The following PDLIM7 variants were observed in gnomAD, a reference collection of about 807,000 sequenced individuals.
PDLIM7 encodes PDZ and LIM domain protein 7.
A neutral mutation model predicts 53.9 loss-of-function variants in PDLIM7; 37 were observed. The observed-to-expected ratio is 0.69, with a 90% CI of 0.53 to 0.90. The LOEUF (loss-of-function observed/expected upper bound fraction) is 0.90. Among genes scored for constraint, PDLIM7 ranks in the 40% least tolerant of loss-of-function variants. The pLI is 0.00. For missense variants in PDLIM7, 617 were observed against 638.5 expected (o/e 0.97, Z 0.36); for synonymous variants, 300 against 261.3 (o/e 1.15, Z -1.43).
Position 177,496,488 on chromosome 5 carries a change from C to A in PDLIM7, c.25G>T (p.Glu9Ter). 1 of 1,600,912 alleles carries A rather than the reference C, an allele frequency of 6.2e-7. No individual in the cohort carries two copies. ...CGGAAGCCCCAAGGTGCTGGCCCCTCCAGCACTACTTTGAAGGAATCCATG... is the reference window on the plus strand; with the variant it reads ...CGGAAGCCCCAAGGTGCTGGCCCCTACAGCACTACTTTGAAGGAATCCATG... MDSFKVVL[E>*]GPAPWGFRLQ... The change falls in exon 2 of 13, where the codon GAG becomes TAG. Residue 9 changes from glutamate to a stop codon, truncating the protein, a stop_gained. Coordinates refer to ENST00000355841, the MANE Select transcript of PDLIM7 (RefSeq NM_005451.5). LOFTEE classifies it high-confidence loss of function.
intron 10 of PDLIM7, among the ~76,000 whole-genome samples, chr5:177,486,325 T>C (rs144075657): frequency 6.6e-6 from 1 of 152,300 alleles, no homozygotes; most frequent in Non-Finnish European, 1.5e-5. Flanking sequence ...GGATGGTGCA[T>C]TTCTGCCCTC....
intron 7 of PDLIM7, 66 bp downstream of exon 7, chr5:177,490,804 A>G: frequency 1.3e-6 from 2 of 1,566,528 alleles, no homozygotes; most frequent in South Asian, 2.2e-5. Context: ...TCAGGAGTAG[A>G]CACAGGGCAG....
chr5:177,492,550 T>C lies in PDLIM7; in HGVS notation c.224A>G (p.Glu75Gly), dbSNP rs750262562. The C allele has an allele frequency of 2.5e-6, 4 of 1,613,526 alleles. No homozygotes were observed. The South Asian group carries it at 4.4e-5, about 18-fold the overall frequency. Residue 75 changes from glutamate (E) to glycine (G), a missense_variant, in exon 3 of 13, where the codon GAG becomes GGG. Physicochemically the swap from Glu to Gly is moderately conservative, Grantham distance 98 (BLOSUM62 -2). Coordinates refer to ENST00000355841, the MANE Select transcript of PDLIM7 (RefSeq NM_005451.5). ...CCTGCTGAGGCCCAGGCTGAGGCGC[T>C]CCCCGCAGGCCCGGATCTTGTTCTG... The part of the protein sequence containing the change: ...EAQNKIRACG[E>G]RLSLGLSRAQ...
chr5:177,489,342 G>A, intron 9 of PDLIM7, 51 bp downstream of exon 9: 2 of 1,356,898 alleles, frequency 1.5e-6, no homozygotes, highest in African/African-American at 1.4e-5. Context: ...GACAGGTGGG[G>A]CTGGGCTGCA....
chr5:177,488,961 C>T (rs548592041), intron 9 of PDLIM7, among the ~76,000 whole-genome samples: 7 of 151,990 alleles, frequency 4.6e-5, no homozygotes, highest in East Asian at 3.9e-4. Context: ...CTCTAGAATC[C>T]GGCACGCTGA....
chr5:177,492,712 G>A (rs1360519667), intron 2 of PDLIM7, 35 bp from the exon 3 acceptor site: 3 of 1,583,686 alleles, frequency 1.9e-6, no homozygotes, highest in Non-Finnish European at 2.6e-6. Context: ...CGAGGCCCTG[G>A]ACCCTGCAGA....
At chr5:177,492,968 C>G (rs1388444280) in intron 2 of PDLIM7, 1 of 432,768 alleles carries the variant, frequency 2.3e-6, no homozygotes, top group Non-Finnish European at 4.2e-6. Flanking sequence ...CTATTCACCG[C>G]CACCACCCTC....
At position 177,489,785 on chromosome 5, in the gene PDLIM7, TG is replaced by T; in HGVS notation, c.619del (p.Gln207ArgfsTer37). The stretch of plus-strand genomic sequence containing the variant: ...CTCCCTCTCACCAGGCCAGGGCTCC[TG>T]GGGTGTAGATGAGGCTGGGGCTGGG... ...EAPAPASSTP[Q>X]EPWPGPTAPS... On this transcript the variant is annotated frameshift_variant, in exon 8 of 13. Coordinates refer to ENST00000355841, the MANE Select transcript of PDLIM7 (RefSeq NM_005451.5). LOFTEE classifies it high-confidence loss of function. The T allele has an allele frequency of 6.4e-7, 1 of 1,574,274 alleles. No homozygotes were observed.
At chr5:177,489,734 C>T (rs1278322316) in intron 8 of PDLIM7, 37 bp downstream of exon 8, 8 of 1,495,826 alleles carry the variant, frequency 5.3e-6, no homozygotes, top group South Asian at 3.8e-5. Context: ...CTGGAGGCTG[C>T]CCACCCTTGC....
chr5:177,483,568 C>T lies in PDLIM7; in HGVS notation c.*76G>A. On this transcript the variant is annotated 3_prime_UTR_variant, in exon 13 of 13. Coordinates refer to ENST00000355841, the MANE Select transcript of PDLIM7 (RefSeq NM_005451.5). ...AGGGTTAAGGCAACCATTGCCAGCC[C>T]TACCCAGAAATGCAGGGCCACGACT... is the stretch of plus-strand genomic sequence containing the variant. 8.8e-7 allele frequency: 1 copy of T among 1,139,822 alleles called. No individual in the cohort carries two copies. The highest frequency in any genetic ancestry group is 1.5e-5 in the African/African-American group (1 of 64,944). 70.6% of individuals were successfully genotyped at this position (1,139,822 alleles called of 1,614,324 possible). A position where few individuals can be genotyped will look rare whatever the true frequency, so the allele number is the denominator to read the frequency against.
rs544621018 is a variant in PDLIM7, at chr5:177,486,780, T to G, written c.1050+1288A>C. Among the ~76,000 whole-genome samples, 533 of 146,550 alleles carry G rather than the reference T, an allele frequency of 3.6e-3. 3 individuals are homozygous for G. Among genetic ancestry groups the G allele is most frequent in the African/African-American group, 9.4e-3 (370 of 39,320 alleles). On this transcript the variant is annotated intron_variant, in intron 10 of 12. Transcript: ENST00000355841. ...CAGCCTCCCGAGTAGCTGGGACTAC[T>G]CCACCATGCCCGGCCAATTTTTTTG...
chr5:177,492,052 C>T, intron 4 of PDLIM7, 127 bp from the exon 5 acceptor site: 1 of 415,906 alleles, frequency 2.4e-6, no homozygotes, highest in Non-Finnish European at 4.2e-6. Context: ...CCCCCTACAT[C>T]TATTTGGAGG....
At chr5:177,484,496 C>T (rs1173331873) in intron 10 of PDLIM7, 2 of 351,462 alleles carry the variant, frequency 5.7e-6, no homozygotes, top group Non-Finnish European at 1.1e-5. Context: ...CCAAACACAC[C>T]CTCCTCTCAC....
intron 10 of PDLIM7, among the ~76,000 whole-genome samples, chr5:177,486,677 CG>C (rs1758461993): frequency 6.6e-6 from 1 of 151,976 alleles, no homozygotes; most frequent in Non-Finnish European, 1.5e-5. Context: ...CTCGCTCTGT[CG>C]CCCAGGCTGG....
Position 177,496,467 on chromosome 5 carries a change from A to C in PDLIM7, c.46T>G (p.Phe16Val). ...VVLEGPAPWG[F>V]RLQGGKDFNV... is the part of the protein sequence containing the mutation. ...AAGTCCTTGCCCCCTTGCAGCCGGA[A>C]GCCCCAAGGTGCTGGCCCCTCCAGC... Residue 16 changes from phenylalanine to valine, a missense_variant, in exon 2 of 13, where the codon TTC (phenylalanine) becomes GTC (valine). Phe to Val is a conservative substitution (Grantham distance 50). Coordinates refer to ENST00000355841, the MANE Select transcript of PDLIM7 (RefSeq NM_005451.5). The C allele has an allele frequency of 6.2e-7, 1 of 1,605,642 alleles. No individual in the cohort carries two copies. Among genetic ancestry groups the C allele is most frequent in the Non-Finnish European group, 8.5e-7 (1 of 1,175,856 alleles).
chr5:177,489,356 T>C (rs2127411967), intron 9 of PDLIM7, 37 bp downstream of exon 9: 2 of 1,456,292 alleles, frequency 1.4e-6, no homozygotes, highest in Non-Finnish European at 1.9e-6. Context: ...GGCTGCAGGA[T>C]GGGAAAGCCA....
intron 10 of PDLIM7, among the ~76,000 whole-genome samples, chr5:177,487,469 G>C (rs1056173895): frequency 1.3e-5 from 2 of 152,220 alleles, no homozygotes; most frequent in Non-Finnish European, 2.9e-5. Context: ...GAGCATTTTG[G>C]CGGAGGCTGA....
rs201929553 is a variant in PDLIM7, at chr5:177,488,267, G to C, written c.870-19C>G. The stretch of plus-strand genomic sequence containing the variant: ...GCGGCCCCTGCAGGGAGGCGAGAGC[G>C]GTCAGAGGGAGCACACGCAGAGAGG... On this transcript the variant is annotated intron_variant, in intron 9 of 12. Coordinates refer to ENST00000355841, the MANE Select transcript of PDLIM7 (RefSeq NM_005451.5). 3 of 1,576,052 alleles carry C rather than the reference G, an allele frequency of 1.9e-6. No homozygotes were observed. The highest frequency in any genetic ancestry group is 2.6e-6 in the Non-Finnish European group (3 of 1,160,596).
At chr5:177,490,611 A>G in intron 7 of PDLIM7, 4 of 1,369,896 alleles carry the variant, frequency 2.9e-6, no homozygotes, top group Non-Finnish European at 3.9e-6. Flanking sequence ...GCAGAGAGAG[A>G]GGGAGGAAGA....
Sources: allele counts gnomAD v4.1 joint callset (sites outside exome capture counted in the v4.1 genomes callset), GRCh38; gene constraint gnomAD v4.1.1; transcripts MANE v1.5; gene names NCBI Gene and HGNC (gene_info 2026-07-23, HGNC 2026-07-21).